OXCT1: variants seen among roughly 807,000 people sequenced by gnomAD.
OXCT1 encodes succinyl-CoA:3-ketoacid coenzyme A transferase 1, mitochondrial.
In OXCT1, 27 loss-of-function variants were observed where a neutral mutation model predicts 69.6. The observed-to-expected ratio is 0.39, with a 90% CI of 0.29 to 0.54. The LOEUF (loss-of-function observed/expected upper bound fraction) is 0.54. Ranked by LOEUF, OXCT1 falls within the 20% of genes least tolerant of loss-of-function variation. The pLI is 0.72. For synonymous variants in OXCT1, 202 were observed against 217.8 expected (o/e 0.93, Z 0.64); for missense variants, 437 against 650.2 (o/e 0.67, Z 3.57).
At chr5:41,794,277 A>G in intron 12 of OXCT1, 199 bp from the exon 13 acceptor site, 1 of 625,336 alleles carries the variant, frequency 1.6e-6, no homozygotes, top group South Asian at 2.0e-5. Context: ...AAGTTACAGT[A>G]TACATTGTTT....
intron 1 of OXCT1, among the ~76,000 whole-genome samples, chr5:41,863,973 T>C (rs1341991579): frequency 3.3e-5 from 5 of 152,148 alleles, no homozygotes; most frequent in African/African-American, 1.2e-4. Flanking sequence ...CATCCTCCTA[T>C]GGGGCTTAAG....
chr5:41,744,984 C>T (rs967206079), intron 15 of OXCT1, among the ~76,000 whole-genome samples: 2 of 152,028 alleles, frequency 1.3e-5, no homozygotes, highest in Non-Finnish European at 2.9e-5. Flanking sequence ...CAACATTAGA[C>T]ACATCAACGA....
intron 9 of OXCT1, among the ~76,000 whole-genome samples, chr5:41,803,750 G>T (rs1031729139): frequency 1.3e-5 from 2 of 152,036 alleles, no homozygotes; most frequent in Non-Finnish European, 2.9e-5. Context: ...AAATACAATT[G>T]AGCTCATCGA....
At chr5:41,754,635 G>T (rs559175598) in intron 14 of OXCT1, among the ~76,000 whole-genome samples, 1 of 152,124 alleles carries the variant, frequency 6.6e-6, no homozygotes, top group South Asian at 2.1e-4. Context: ...CAGAATAAAA[G>T]GAAAGAATGA....
intron 4 of OXCT1, among the ~76,000 whole-genome samples, chr5:41,850,536 T>C (rs991186459): frequency 4.6e-5 from 7 of 152,204 alleles, no homozygotes; most frequent in African/African-American, 1.7e-4. Context: ...TATTAAGTAA[T>C]GCAGTTAAAT....
At chr5:41,793,701 G>A (rs1013508089) in intron 13 of OXCT1, among the ~76,000 whole-genome samples, 3 of 152,122 alleles carry the variant, frequency 2.0e-5, no homozygotes, top group African/African-American at 7.2e-5. Context: ...GTAAATATTT[G>A]TATTTCTTAT....
chr5:41,766,827 T>C (rs904329033), intron 13 of OXCT1, among the ~76,000 whole-genome samples: 2 of 152,108 alleles, frequency 1.3e-5, no homozygotes, highest in Non-Finnish European at 2.9e-5. Flanking sequence ...TTATAATATA[T>C]AGAAACAATT....
chr5:41,801,432 G>T (rs1746420838), intron 10 of OXCT1, among the ~76,000 whole-genome samples: 1 of 152,162 alleles, frequency 6.6e-6, no homozygotes, highest in South Asian at 2.1e-4. Context: ...AGTGGCTCAT[G>T]CCTGTAATCT....
At chr5:41,751,223 T>C (rs1743769080) in intron 14 of OXCT1, among the ~76,000 whole-genome samples, 1 of 152,162 alleles carries the variant, frequency 6.6e-6, no homozygotes, top group Admixed American at 6.6e-5. Context: ...CAATGAATTC[T>C]GGGCCTGACT....
chr5:41,800,565 G>T (rs552111484), intron 11 of OXCT1, among the ~76,000 whole-genome samples: 1 of 151,360 alleles, frequency 6.6e-6, no homozygotes, highest in South Asian at 2.1e-4. Context: ...CTACTAAGTG[G>T]CCAGTTCCTC....
At chr5:41,819,691 T>C (rs1354671135) in intron 7 of OXCT1, among the ~76,000 whole-genome samples, 1 of 151,792 alleles carries the variant, frequency 6.6e-6, no homozygotes, top group Non-Finnish European at 1.5e-5. Flanking sequence ...ACACAATCTA[T>C]GTCCTCATTT....
chr5:41,748,708 C>T (rs529418711), intron 15 of OXCT1, among the ~76,000 whole-genome samples: 1 of 152,192 alleles, frequency 6.6e-6, no homozygotes, highest in Non-Finnish European at 1.5e-5. Context: ...AGGGTGCTCA[C>T]TGTCACACCT....
chr5:41,770,026 T>C (rs371122294), intron 13 of OXCT1, among the ~76,000 whole-genome samples: 4 of 152,152 alleles, frequency 2.6e-5, no homozygotes, highest in Admixed American at 1.3e-4. Context: ...TCCCAAAGTG[T>C]TGGGATTACA....
At chr5:41,783,820 C>T (rs1259515634) in intron 13 of OXCT1, among the ~76,000 whole-genome samples, 3 of 152,126 alleles carry the variant, frequency 2.0e-5, no homozygotes, top group African/African-American at 7.2e-5. Flanking sequence ...AGTGAACAGT[C>T]AAAGTCTTAG....
chr5:41,731,726 A>G lies in OXCT1; in HGVS notation c.*3T>C. 6.2e-7 allele frequency: 1 copy of G among 1,607,286 alleles called. No individual in the cohort carries two copies. The highest frequency in any genetic ancestry group is 1.1e-5 in the South Asian group (1 of 89,678). ...CACGCAGCCTGGTACAAATATCCATATTTCAATTTGCGATCTGCTGCATTG... is the reference window on the plus strand; with the variant it reads ...CACGCAGCCTGGTACAAATATCCATGTTTCAATTTGCGATCTGCTGCATTG... On this transcript the variant is annotated 3_prime_UTR_variant, in exon 17 of 17. Transcript: ENST00000196371.
At chr5:41,843,429 C>T (rs1396807864) in intron 5 of OXCT1, 1 of 390,220 alleles carries the variant, frequency 2.6e-6, no homozygotes, top group Non-Finnish European at 5.1e-6. Context: ...AGTGGTTTCT[C>T]TTGCTACTGT....
At chr5:41,769,122 TCTCA>T (rs1458304130) in intron 13 of OXCT1, among the ~76,000 whole-genome samples, 1 of 152,174 alleles carries the variant, frequency 6.6e-6, no homozygotes, top group South Asian at 2.1e-4. Flanking sequence ...TTTAGGAACC[TCTCA>T]CAGCATACTT....
chr5:41,742,486 TA>T (rs1403555049), intron 15 of OXCT1, among the ~76,000 whole-genome samples: 2 of 152,262 alleles, frequency 1.3e-5, no homozygotes, highest in Non-Finnish European at 2.9e-5. Flanking sequence ...TATTTTACTT[TA>T]TTTTTTTATT....
chr5:41,864,392 A>G (rs916595162), intron 1 of OXCT1, among the ~76,000 whole-genome samples: 18 of 152,204 alleles, frequency 1.2e-4, no homozygotes, highest in Admixed American at 1.2e-3. Flanking sequence ...AAAATATGCC[A>G]GCACACTGCT....
Sources: allele counts gnomAD v4.1 joint callset (sites outside exome capture counted in the v4.1 genomes callset), GRCh38; gene constraint gnomAD v4.1.1; transcripts MANE v1.5; gene names NCBI Gene and HGNC (gene_info 2026-07-23, HGNC 2026-07-21).